The following RGS6 variants were observed in gnomAD, a reference collection of about 807,000 sequenced individuals.
The protein encoded by RGS6 is regulator of G protein signaling 6.
RGS6 carries 30 observed loss-of-function variants against 78.5 expected under a neutral mutation model. The ratio of observed to expected loss-of-function variants is 0.38; its 90% CI spans 0.29 to 0.52. The LOEUF (loss-of-function observed/expected upper bound fraction) is 0.52. Ranked by LOEUF, RGS6 falls within the 20% of genes least tolerant of loss-of-function variation. The pLI is 0.85. For synonymous variants in RGS6, 206 were observed against 206.0 expected (o/e 1.00, Z 0.00); for missense variants, 495 against 609.7 (o/e 0.81, Z 1.98).
intron 2 of RGS6, among the ~76,000 whole-genome samples, chr14:71,992,378 T>TC (rs1211328809): frequency 1.3e-5 from 2 of 152,230 alleles, no homozygotes; most frequent in African/African-American, 4.8e-5. Context: ...TATTGATATA[T>TC]CATTATTTAC....
chr14:72,138,488 G>A (rs904796532), intron 2 of RGS6, among the ~76,000 whole-genome samples: 2 of 147,446 alleles, frequency 1.4e-5, no homozygotes, highest in African/African-American at 5.0e-5. Flanking sequence ...TTCTTGGAGG[G>A]AGAGTTCTTC....
intron 2 of RGS6, among the ~76,000 whole-genome samples, chr14:72,291,120 G>A (rs532837154): frequency 2.0e-4 from 31 of 151,748 alleles, no homozygotes; most frequent in African/African-American, 4.6e-4. Flanking sequence ...CTCAGGCTCC[G>A]ATGTTTCAAC....
chr14:72,088,760 C>G (rs1039170167), intron 2 of RGS6, among the ~76,000 whole-genome samples: 4 of 152,210 alleles, frequency 2.6e-5, no homozygotes, highest in Admixed American at 6.5e-5. Flanking sequence ...TCTCCATGCT[C>G]TAGCCCCTGC....
intron 2 of RGS6, among the ~76,000 whole-genome samples, chr14:72,104,659 TAC>T (rs1168263435): frequency 6.6e-6 from 1 of 152,226 alleles, no homozygotes; most frequent in Admixed American, 6.5e-5. Context: ...GCTCTTCGAA[TAC>T]AGTGTGCTGT....
chr14:72,626,458 T>A, the RGS6 span, among the ~76,000 whole-genome samples: 1 of 152,162 alleles, frequency 6.6e-6, no homozygotes, highest in African/African-American at 2.4e-5. Flanking sequence ...TTTACTTTGC[T>A]TTTTTACTTA....
the RGS6 span, among the ~76,000 whole-genome samples, chr14:72,582,789 C>A: frequency 1.3e-5 from 2 of 152,044 alleles, no homozygotes; most frequent in Non-Finnish European, 2.9e-5. Flanking sequence ...ATAATCACAC[C>A]CTCCACCCTG....
intron 2 of RGS6, among the ~76,000 whole-genome samples, chr14:72,051,011 T>C (rs1400083525): frequency 6.6e-6 from 1 of 152,224 alleles, no homozygotes; most frequent in Non-Finnish European, 1.5e-5. Flanking sequence ...CTGGGGTTTT[T>C]TGTTTGTATT....
intron 3 of RGS6, among the ~76,000 whole-genome samples, chr14:72,364,275 C>A (rs1187804198): frequency 6.6e-6 from 1 of 152,136 alleles, no homozygotes; most frequent in Non-Finnish European, 1.5e-5. Flanking sequence ...TCATGCTTAC[C>A]TCTAGTTGCT....
chr14:71,995,579 A>C (rs1043725832), intron 2 of RGS6, among the ~76,000 whole-genome samples: 1 of 152,168 alleles, frequency 6.6e-6, no homozygotes, highest in Non-Finnish European at 1.5e-5. Flanking sequence ...CAGTCTGTAA[A>C]TGGAGATAAT....
chr14:71,937,642 T>C (rs1936337908), intron 1 of RGS6, among the ~76,000 whole-genome samples: 1 of 152,224 alleles, frequency 6.6e-6, no homozygotes, highest in Non-Finnish European at 1.5e-5. Flanking sequence ...ACTGCCACAC[T>C]TCTTTGGCCA....
intron 3 of RGS6, among the ~76,000 whole-genome samples, chr14:72,452,109 G>A (rs776160527): frequency 1.3e-5 from 2 of 151,930 alleles, no homozygotes; most frequent in African/African-American, 2.4e-5. Flanking sequence ...CCCCAGCTTG[G>A]GACTACAGTT....
intron 2 of RGS6, among the ~76,000 whole-genome samples, chr14:72,143,266 G>T (rs1012682746): frequency 5.9e-5 from 9 of 151,982 alleles, no homozygotes; most frequent in African/African-American, 2.2e-4. Flanking sequence ...CCAGCTGCTC[G>T]GGAGGCTGAT....
chr14:72,130,364 G>A (rs2096288449), intron 2 of RGS6, among the ~76,000 whole-genome samples: 1 of 152,074 alleles, frequency 6.6e-6, no homozygotes, highest in Non-Finnish European at 1.5e-5. Flanking sequence ...GAAATAATTG[G>A]CCATTGATGG....
At chr14:72,276,616 C>T (rs957306438) in intron 2 of RGS6, among the ~76,000 whole-genome samples, 3 of 152,030 alleles carry the variant, frequency 2.0e-5, no homozygotes, top group Non-Finnish European at 4.4e-5. Flanking sequence ...GGGGTGGTTT[C>T]CCCCATACTG....
At chr14:72,196,101 C>T (rs566062258) in intron 2 of RGS6, among the ~76,000 whole-genome samples, 1 of 152,118 alleles carries the variant, frequency 6.6e-6, no homozygotes, top group South Asian at 2.1e-4. Context: ...GAGACTGAAC[C>T]AAAGGAGATG....
At position 72,540,021 on chromosome 14, in the gene RGS6, CTTTT is replaced by C. The variant is rs753065555; in HGVS notation, c.1369-11_1369-8del. On this transcript the variant is annotated splice_polypyrimidine_tract_variant and intron_variant, in intron 16 of 17. Transcript: ENST00000553525. ...TTTTTTCTGTATTTTTCTCCCTACC[CTTTT>C]TTTTTTTTCCTAAAGCCAGAAAGTG... The C allele has an allele frequency of 4.2e-6, 5 of 1,187,192 alleles. No individual in the cohort carries two copies. Among genetic ancestry groups the C allele is most frequent in the Admixed American group, 2.5e-5 (1 of 39,794 alleles). The allele number at this position is 1,187,192 out of a possible 1,614,324, so 73.5% of individuals were successfully genotyped here.
intron 3 of RGS6, among the ~76,000 whole-genome samples, chr14:72,390,032 C>T (rs368744254): frequency 4.2e-4 from 62 of 149,012 alleles, no homozygotes; most frequent in African/African-American, 1.3e-3. Context: ...AAAAAATAAA[C>T]GGTTCTTTAA....
intron 2 of RGS6, among the ~76,000 whole-genome samples, chr14:72,192,980 G>GT (rs35795281): frequency 0.07 from 9,781 of 140,042 alleles, 624 homozygotes; most frequent in East Asian, 0.39. Flanking sequence ...GCTGGGTTGG[G>GT]TTTTTTTTTT....
chr14:71,873,700 T>A, the RGS6 span, among the ~76,000 whole-genome samples: 2 of 152,162 alleles, frequency 1.3e-5, no homozygotes, highest in African/African-American at 2.4e-5. Context: ...GGTGTTTTAG[T>A]CATGAAGTCC....
Sources: gnomAD v4.1 joint callset for allele counts (sites outside exome capture counted in the v4.1 genomes callset) on GRCh38, gnomAD v4.1.1 for gene constraint, MANE v1.5 for transcripts, NCBI Gene and HGNC (gene_info 2026-07-23, HGNC 2026-07-21) for gene names.